SDR42E2: variants seen among roughly 807,000 people sequenced by gnomAD.
The protein encoded by SDR42E2 is putative short-chain dehydrogenase/reductase family 42E member 2.
A neutral mutation model predicts 10.5 loss-of-function variants in SDR42E2; 20 were observed. The ratio of observed to expected loss-of-function variants is 1.90; its 90% CI spans 1.34 to 2.77. SDR42E2 has a LOEUF of 2.77. SDR42E2 is among the 30% of genes most tolerant of loss of function. The pLI is 0.00. For missense variants in SDR42E2, 162 were observed against 104.2 expected, an observed-to-expected ratio of 1.55 and a Z score of -2.42; for synonymous variants, 72 against 39.2, an observed-to-expected ratio of 1.84 and a Z score of -3.12.
At chr16:22,162,679 G>T (rs937991287) in intron 1 of SDR42E2, among the ~76,000 whole-genome samples, 115 bp downstream of exon 1, 1 of 152,296 alleles carries the variant, frequency 6.6e-6, no homozygotes, top group East Asian at 1.9e-4. Flanking sequence ...CGAGCCCAGC[G>T]CTCTCAGGGT....
chr16:22,163,366 G>C (rs1029998799), intron 1 of SDR42E2, among the ~76,000 whole-genome samples: 2 of 152,070 alleles, frequency 1.3e-5, no homozygotes, highest in Non-Finnish European at 2.9e-5. Context: ...TCTCCCTCTC[G>C]GGGATTTAGG....
chr16:22,178,158 C>T lies in SDR42E2; in HGVS notation c.618C>T (p.Leu206=). 1 of 702,882 alleles carries T rather than the reference C, an allele frequency of 1.4e-6. No homozygotes were observed. 43.5% of individuals were successfully genotyped at this position (702,882 alleles called of 1,614,324 possible). A position where few individuals can be genotyped will look rare whatever the true frequency, so the allele number is the denominator to read the frequency against. Residue 206 remains leucine (L), a synonymous_variant, in exon 8 of 13, where the codon CTC becomes CTT. Coordinates refer to ENST00000602312, the MANE Select transcript of SDR42E2 (RefSeq NM_001394319.2). ...PGGGTLRTCV[L]RPPGIYGPEE... ...GAGGCACTCTTCGGACGTGTGTGCT[C>T]CGGCCTCCAGGGATCTACGGCCCTG...
At position 22,191,744 on chromosome 16, in the gene SDR42E2, G is replaced by A. The variant is rs1026011271; in HGVS notation, c.*1351G>A. On this transcript the variant is annotated 3_prime_UTR_variant, in exon 13 of 13. Coordinates refer to ENST00000602312, the MANE Select transcript of SDR42E2 (RefSeq NM_001394319.2). ...GATGAAGTACCAATAAAGCTATAAT[G>A]GGAAAAATAGAGTTTAGTTGGTTAT... The A allele has an allele frequency of 6.6e-6, 1 of 151,804 alleles. No homozygotes were observed. The highest frequency in any genetic ancestry group is 2.4e-5 in the African/African-American group (1 of 41,288). 9.4% of individuals were successfully genotyped at this position (151,804 alleles called of 1,614,324 possible).
chr16:22,173,887 G>A (rs1214519760), intron 7 of SDR42E2, among the ~76,000 whole-genome samples: 3 of 109,254 alleles, frequency 2.7e-5, no homozygotes, highest in East Asian at 4.7e-4. Context: ...TATGGGCTAC[G>A]TATATATATG....
chr16:22,175,049 C>T (rs775740805), intron 7 of SDR42E2, among the ~76,000 whole-genome samples: 21 of 152,264 alleles, frequency 1.4e-4, no homozygotes, highest in African/African-American at 3.4e-4. Flanking sequence ...AGTCCTGAGG[C>T]GTGCAGATCC....
chr16:22,164,244 ACT>A (rs1003493209), intron 1 of SDR42E2, among the ~76,000 whole-genome samples: 3 of 151,614 alleles, frequency 2.0e-5, no homozygotes, highest in Non-Finnish European at 4.4e-5. Flanking sequence ...ACAGAGTGAG[ACT>A]CTGTCTCAAA....
chr16:22,187,573 C>A (rs1454526401), intron 12 of SDR42E2, among the ~76,000 whole-genome samples: 1 of 145,244 alleles, frequency 6.9e-6, no homozygotes, highest in East Asian at 2.1e-4. Flanking sequence ...CCAGCCTAGG[C>A]AACAGATGGA....
intron 9 of SDR42E2, 32 bp downstream of exon 9, chr16:22,181,688 C>T: frequency 1.4e-6 from 1 of 699,674 alleles, no homozygotes; most frequent in Non-Finnish European, 2.6e-6. Context: ...CAACCACCTT[C>T]CCCACAGGGC....
rs1397227919 is a variant in SDR42E2, at chr16:22,191,053, G to C, written c.*660G>C. 2 of 152,558 alleles carry C rather than the reference G, an allele frequency of 1.3e-5. No homozygotes were observed. The highest frequency in any genetic ancestry group is 2.9e-5 in the Non-Finnish European group (2 of 68,534). The allele number at this position is 152,558 out of a possible 1,614,324, so 9.5% of individuals were successfully genotyped here. The stretch of plus-strand genomic sequence containing the variant: ...GTCCCGCCCCCTGAATCTTTCCTAC[G>C]TCCATGACCCTCCCTCCAGGCCCTG... On this transcript the variant is annotated 3_prime_UTR_variant, in exon 13 of 13. Transcript: ENST00000602312.
chr16:22,171,108 T>G (rs2046596396), intron 6 of SDR42E2, among the ~76,000 whole-genome samples, 157 bp downstream of exon 6: 1 of 152,218 alleles, frequency 6.6e-6, no homozygotes, highest in African/African-American at 2.4e-5. Context: ...CTCTCCTGTT[T>G]CAGTTGGTCA....
At chr16:22,175,635 C>T (rs959633873) in intron 7 of SDR42E2, among the ~76,000 whole-genome samples, 1 of 150,602 alleles carries the variant, frequency 6.6e-6, no homozygotes, top group Admixed American at 6.7e-5. Context: ...TGAGCCATGA[C>T]GCACCACTGC....
chr16:22,169,347 C>T (rs2046573471), intron 4 of SDR42E2, 98 bp from the exon 5 acceptor site: 1 of 693,664 alleles, frequency 1.4e-6, no homozygotes, highest in Non-Finnish European at 2.6e-6. Flanking sequence ...AACTGAACAT[C>T]CTGCTGCCCT....
At chr16:22,172,363 T>C (rs972041127) in intron 7 of SDR42E2, 32 bp downstream of exon 7, 1 of 703,446 alleles carries the variant, frequency 1.4e-6, no homozygotes, top group African/African-American at 1.7e-5. Context: ...TTGTACCAAA[T>C]GCACCTGCCC....
intron 11 of SDR42E2, among the ~76,000 whole-genome samples, chr16:22,185,122 C>G (rs1023467428): frequency 2.0e-5 from 3 of 152,148 alleles, no homozygotes; most frequent in African/African-American, 7.2e-5. Context: ...CCCGACAATG[C>G]GTCTTGGCTG....
Position 22,166,889 on chromosome 16 carries a change from C to T in SDR42E2, c.241-15C>T, listed in dbSNP as rs8058588. The T allele has an allele frequency of 0.011, 7,258 of 650,742 alleles. 355 individuals are homozygous for T. Among genetic ancestry groups the T allele is most frequent in the African/African-American group, 0.11 (6,123 of 56,256 alleles). The allele number at this position is 650,742 out of a possible 1,614,324, so 40.3% of individuals were successfully genotyped here. ...CTTGAACCCCCTGCCCTCATCTCTT[C>T]TTCCTCTGGTGCAGGCTGATGTCCG... On this transcript the variant is annotated splice_polypyrimidine_tract_variant and intron_variant, in intron 3 of 12. Transcript: ENST00000602312.
At chr16:22,180,512 G>C (rs2142075404) in intron 8 of SDR42E2, among the ~76,000 whole-genome samples, 1 of 152,010 alleles carries the variant, frequency 6.6e-6, no homozygotes, top group South Asian at 2.1e-4. Context: ...GCCAGCCTGG[G>C]CAACATAGTG....
intron 5 of SDR42E2, among the ~76,000 whole-genome samples, 156 bp downstream of exon 5, chr16:22,169,658 G>A (rs1473216120): frequency 2.0e-5 from 3 of 152,214 alleles, no homozygotes; most frequent in African/African-American, 7.2e-5. Flanking sequence ...CTGCATGGGT[G>A]TGTCAGTGTG....
intron 4 of SDR42E2, among the ~76,000 whole-genome samples, chr16:22,167,695 A>G (rs2046555747): frequency 6.6e-6 from 1 of 152,194 alleles, no homozygotes; most frequent in Admixed American, 6.5e-5. Context: ...TTTTAATAAC[A>G]AAACACCAGA....
chr16:22,169,558 C>T, intron 5 of SDR42E2, 56 bp downstream of exon 5: 1 of 703,094 alleles, frequency 1.4e-6, no homozygotes, highest in Non-Finnish European at 2.6e-6. Context: ...TCTCCCTTCT[C>T]CTGCTGCAGG....
Sources: gnomAD v4.1 joint callset for allele counts (sites outside exome capture counted in the v4.1 genomes callset) on GRCh38, gnomAD v4.1.1 for gene constraint, MANE v1.5 for transcripts, NCBI Gene and HGNC (gene_info 2026-07-23, HGNC 2026-07-21) for gene names.